Variants in UBE2E1 observed in about 807,000 individuals in gnomAD.
UBE2E1 encodes ubiquitin conjugating enzyme E2 E1.
In UBE2E1, 6 loss-of-function variants were observed where a neutral mutation model predicts 21.4. The observed-to-expected ratio is 0.28, with a 90% CI of 0.15 to 0.55. The LOEUF (loss-of-function observed/expected upper bound fraction) is 0.55, where lower values mean the gene tolerates loss of function less well. Ranked by LOEUF, UBE2E1 falls within the 20% of genes least tolerant of loss-of-function variation. The pLI is 0.93. For synonymous variants in UBE2E1, 87 were observed against 82.7 expected (o/e 1.05, Z -0.28); for missense variants, 142 against 236.5 (o/e 0.60, Z 2.62).
At chr3:23,837,192 C>G (rs956781885) in intron 3 of UBE2E1, among the ~76,000 whole-genome samples, 2 of 152,108 alleles carry the variant, frequency 1.3e-5, no homozygotes, top group Non-Finnish European at 2.9e-5. Context: ...AGCACTAACA[C>G]TAACAAAAAA....
At chr3:23,857,767 C>T (rs968527172) in intron 3 of UBE2E1, among the ~76,000 whole-genome samples, 4 of 152,202 alleles carry the variant, frequency 2.6e-5, no homozygotes, top group Non-Finnish European at 4.4e-5. Flanking sequence ...AAATGGTTCC[C>T]AGCGTGTGCT....
chr3:23,872,877 C>T (rs1178478223), intron 3 of UBE2E1, among the ~76,000 whole-genome samples: 2 of 151,924 alleles, frequency 1.3e-5, no homozygotes, highest in African/African-American at 2.4e-5. Context: ...ATTAGTCGGG[C>T]GTGGTGGCGC....
At chr3:23,844,823 C>T (rs1416869393) in intron 3 of UBE2E1, among the ~76,000 whole-genome samples, 1 of 152,096 alleles carries the variant, frequency 6.6e-6, no homozygotes, top group African/African-American at 2.4e-5. Context: ...GATATGAAGA[C>T]GTGCTCCAAT....
At chr3:23,813,331 A>G (rs1233293237) in intron 3 of UBE2E1, among the ~76,000 whole-genome samples, 1 of 152,146 alleles carries the variant, frequency 6.6e-6, no homozygotes. Context: ...TTTTCTGAAG[A>G]TATTTTCCAG....
chr3:23,808,518 G>A lies in UBE2E1; in HGVS notation c.152+1097G>A, dbSNP rs750934339. ...ACTTTAGATCTCTCCACTGAGTAGTGAGCCTGGAAGTCAGGGTTTGAGAGT... is the reference window on the plus strand; with the variant it reads ...ACTTTAGATCTCTCCACTGAGTAGTAAGCCTGGAAGTCAGGGTTTGAGAGT... On this transcript the variant is annotated intron_variant, in intron 2 of 5. Coordinates refer to ENST00000306627, the MANE Select transcript of UBE2E1 (RefSeq NM_003341.5). The surrounding 1 kb of genome is among the most constrained non-coding windows in gnomAD (Gnocchi z 4.9). Among the ~76,000 whole-genome samples, 9 of 152,216 alleles carry A rather than the reference G, an allele frequency of 5.9e-5. No homozygotes were observed. The highest frequency in any genetic ancestry group is 1.0e-4 in the Non-Finnish European group (7 of 68,040).
At chr3:23,861,909 G>T (rs1402947866) in intron 3 of UBE2E1, among the ~76,000 whole-genome samples, 1 of 152,216 alleles carries the variant, frequency 6.6e-6, no homozygotes, top group African/African-American at 2.4e-5. Flanking sequence ...CCAAAGCCAG[G>T]ATACAGAAAG....
At chr3:23,875,103 A>C (rs773848544) in intron 3 of UBE2E1, among the ~76,000 whole-genome samples, 1 of 152,174 alleles carries the variant, frequency 6.6e-6, no homozygotes, top group Non-Finnish European at 1.5e-5. Flanking sequence ...TTTTCTTTTA[A>C]AAACAGTGTC....
At chr3:23,812,762 G>T (rs1172801285) in intron 3 of UBE2E1, among the ~76,000 whole-genome samples, 9 of 152,140 alleles carry the variant, frequency 5.9e-5, no homozygotes, top group Admixed American at 5.9e-4. Flanking sequence ...TATTTTGATG[G>T]TGGTGGTTCA....
In UBE2E1 at chr3:23,853,662, TCTTAA is replaced by T. The variant is rs1313145012; in HGVS notation, c.204-33901_204-33897del. Among the ~76,000 whole-genome samples the T allele has an allele frequency of 3.3e-5, 5 of 152,184 alleles. No individual in the cohort carries two copies. The highest frequency in any genetic ancestry group is 7.2e-5 in the African/African-American group (3 of 41,452). On this transcript the variant is annotated intron_variant, in intron 3 of 5. Transcript: ENST00000306627. The surrounding 1 kb of genome is among the most constrained non-coding windows in gnomAD (Gnocchi z 4.1). ...GGAGGGGAGAGGAGACACTTGTCCC[TCTTAA>T]CTTGTTTCTTGGTAATGAGTGAATT...
intron 3 of UBE2E1, among the ~76,000 whole-genome samples, chr3:23,812,284 AC>A (rs1337843628): frequency 6.6e-6 from 1 of 152,230 alleles, no homozygotes; most frequent in East Asian, 1.9e-4. Flanking sequence ...AGGTCCTGTA[AC>A]TCCCATACTT....
rs1357629024 is a variant in UBE2E1, at chr3:23,810,451, C to G, written c.153-1009C>G. Reference sequence around the variant, plus strand: ...GAAAACTGCAGGTCTCCAGTCTATCCCCAGTGTGAGCTAGAGAGCGGACCA... The same window carrying G: ...GAAAACTGCAGGTCTCCAGTCTATCGCCAGTGTGAGCTAGAGAGCGGACCA... On this transcript the variant is annotated intron_variant, in intron 2 of 5. Coordinates refer to ENST00000306627, the MANE Select transcript of UBE2E1 (RefSeq NM_003341.5). This position sits in a 1 kb window ranked among gnomAD's most constrained non-coding sequence, Gnocchi z 5.8. 1.3e-6 allele frequency: 2 copies of G among 1,535,524 alleles called. No homozygotes were observed. Among genetic ancestry groups the G allele is most frequent in the Non-Finnish European group, 1.7e-6 (2 of 1,146,632 alleles).
intron 3 of UBE2E1, among the ~76,000 whole-genome samples, chr3:23,845,589 CTGTG>C (rs377458829): frequency 2.1e-4 from 25 of 121,356 alleles, no homozygotes; most frequent in African/African-American, 7.7e-4. Context: ...CTCTCTCTCT[CTGTG>C]TGTGTGTGTG....
In UBE2E1 at chr3:23,863,711, G is replaced by A. The variant is rs1464295506; in HGVS notation, c.204-23856G>A. 6.6e-6 allele frequency among the ~76,000 whole-genome samples: 1 copy of A among 151,988 alleles called. No homozygotes were observed. The highest frequency in any genetic ancestry group is 1.5e-5 in the Non-Finnish European group (1 of 68,006). On this transcript the variant is annotated intron_variant, in intron 3 of 5. Transcript: ENST00000306627. The surrounding 1 kb of genome is among the most constrained non-coding windows in gnomAD (Gnocchi z 4.3). Reference sequence around the variant, plus strand: ...ACGCCTGGCTAATTTTCTATTTTTAGTAGAGATGGGGTTTCTCCATGTTGG... The same window carrying A: ...ACGCCTGGCTAATTTTCTATTTTTAATAGAGATGGGGTTTCTCCATGTTGG...
chr3:23,839,472 A>G (rs1575821705), intron 3 of UBE2E1, among the ~76,000 whole-genome samples: 1 of 151,156 alleles, frequency 6.6e-6, no homozygotes, highest in African/African-American at 2.4e-5. Flanking sequence ...TCAAAAAAAG[A>G]AAATAATAAT....
rs1699358467 is a variant in UBE2E1, at chr3:23,810,386, G to T, written c.153-1074G>T. 1.7e-5 allele frequency: 26 copies of T among 1,523,484 alleles called. No homozygotes were observed. Among genetic ancestry groups the T allele is most frequent in the Non-Finnish European group, 2.2e-5 (25 of 1,136,670 alleles). 94.4% of individuals were successfully genotyped at this position (1,523,484 alleles called of 1,614,324 possible). A position where few individuals can be genotyped will look rare whatever the true frequency, so the allele number is the denominator to read the frequency against. ...TGGTGGCTTCGGCCTATGAGTGGGG[G>T]ATGGGGCCCTTTGTGAAGTCGAGGG... On this transcript the variant is annotated intron_variant, in intron 2 of 5. Transcript: ENST00000306627. This position sits in a 1 kb window ranked among gnomAD's most constrained non-coding sequence, Gnocchi z 5.8.
rs73825175 is a variant in UBE2E1 at position 23,884,322 on chromosome 3, T to C, written c.204-3245T>C. 3.3e-3 allele frequency among the ~76,000 whole-genome samples: 507 copies of C among 152,318 alleles called. 11 individuals are homozygous for C. In the East Asian group the frequency reaches 0.063, roughly 19 times the overall value. ...ACAAACTGTAAAATGTTCAAACTTA[T>C]GCTCCTAACTGGTTGTCCCACTAGT... On this transcript the variant is annotated intron_variant, in intron 3 of 5. Coordinates refer to ENST00000306627, the MANE Select transcript of UBE2E1 (RefSeq NM_003341.5).
intron 5 of UBE2E1, 144 bp downstream of exon 5, chr3:23,889,403 A>G (rs1327858365): frequency 4.0e-6 from 6 of 1,498,726 alleles, no homozygotes; most frequent in Non-Finnish European, 5.3e-6. Context: ...GAAAGTTTTA[A>G]TCAAGTTCAG....
intron 3 of UBE2E1, among the ~76,000 whole-genome samples, chr3:23,862,232 A>G (rs533774340): frequency 6.6e-6 from 1 of 152,344 alleles, no homozygotes; most frequent in Non-Finnish European, 1.5e-5. Flanking sequence ...ATTGCTTAGC[A>G]GGCATGTAAG....
chr3:23,819,006 C>T (rs77469481), intron 3 of UBE2E1, among the ~76,000 whole-genome samples: 29 of 152,190 alleles, frequency 1.9e-4, no homozygotes, highest in Admixed American at 5.9e-4. Flanking sequence ...CTAGAGAGTC[C>T]GGGCACGGTG....
Sources: allele counts gnomAD v4.1 joint callset (sites outside exome capture counted in the v4.1 genomes callset), GRCh38; gene constraint gnomAD v4.1.1; non-coding constraint Gnocchi (gnomAD v3.1); transcripts MANE v1.5; gene names NCBI Gene and HGNC (gene_info 2026-07-23, HGNC 2026-07-21).